METAP2: variants seen among roughly 807,000 people sequenced by gnomAD.
METAP2 encodes the protein methionyl aminopeptidase 2.
Under a neutral mutation model 59.4 loss-of-function variants are expected in METAP2, and 25 were observed. The ratio of observed to expected loss-of-function variants is 0.42; its 90% CI spans 0.31 to 0.59. The LOEUF is 0.59. Ranked by LOEUF, METAP2 falls within the 20% of genes least tolerant of loss-of-function variation. METAP2 has a pLI of 0.16. For missense variants in METAP2, 366 were observed against 581.2 expected (o/e 0.63, Z 3.81); for synonymous variants, 214 against 194.1 (o/e 1.10, Z -0.85).
At chr12:95,510,446 A>G (rs1223333439) in intron 8 of METAP2, among the ~76,000 whole-genome samples, 2 of 152,200 alleles carry the variant, frequency 1.3e-5, no homozygotes, top group Non-Finnish European at 2.9e-5. Flanking sequence ...CAGAAGGGCA[A>G]TGAGAAGTTT....
chr12:95,514,101 T>A lies in METAP2; in HGVS notation c.*197T>A. The A allele has an allele frequency of 1.8e-6, 1 of 564,616 alleles. No individual in the cohort carries two copies. The highest frequency in any genetic ancestry group is 2.9e-6 in the Non-Finnish European group (1 of 345,414). 35.0% of individuals were successfully genotyped at this position (564,616 alleles called of 1,614,324 possible). A position where few individuals can be genotyped will look rare whatever the true frequency, so the allele number is the denominator to read the frequency against. ...ACCAACGAAAAAGCTTTCCGGACTT[T>A]TAAATGCTAACTGTTTTTCCCCTTC... On this transcript the variant is annotated 3_prime_UTR_variant, in exon 11 of 11. Coordinates refer to ENST00000323666, the MANE Select transcript of METAP2 (RefSeq NM_006838.4).
intron 8 of METAP2, among the ~76,000 whole-genome samples, chr12:95,506,448 C>T (rs2076361205): frequency 6.6e-6 from 1 of 151,818 alleles, no homozygotes; most frequent in Admixed American, 6.6e-5. Context: ...AGGCATGCGC[C>T]ACTACACCCA....
At chr12:95,504,628 C>T (rs879937685) in intron 8 of METAP2, among the ~76,000 whole-genome samples, 15 of 152,006 alleles carry the variant, frequency 9.9e-5, no homozygotes, top group African/African-American at 1.5e-4. Flanking sequence ...TTAGCCCTCC[C>T]GGGTAGTTGG....
intron 7 of METAP2, among the ~76,000 whole-genome samples, chr12:95,502,026 A>G (rs1250355911): frequency 6.9e-6 from 1 of 145,932 alleles, no homozygotes; most frequent in African/African-American, 2.5e-5. Context: ...AAATTGAAAC[A>G]GGGTTTTGCT....
chr12:95,504,316 T>C (rs1421395830), intron 8 of METAP2, among the ~76,000 whole-genome samples, 155 bp downstream of exon 8: 2 of 152,202 alleles, frequency 1.3e-5, no homozygotes, highest in Admixed American at 1.3e-4. Context: ...AGTAGTGTTG[T>C]AACTAACTGG....
chr12:95,508,754 G>A (rs1244636725), intron 8 of METAP2, among the ~76,000 whole-genome samples: 2 of 152,088 alleles, frequency 1.3e-5, no homozygotes, highest in Non-Finnish European at 2.9e-5. Flanking sequence ...TTTAGTCACT[G>A]CATAATAATT....
chr12:95,514,908 T>C lies in METAP2; in HGVS notation c.*1004T>C, dbSNP rs1383795338. On this transcript the variant is annotated 3_prime_UTR_variant, in exon 11 of 11. Transcript: ENST00000323666. ...TTTGGATTCTTAACATTACTAGTGG[T>C]ATTTCAGGAAGTGACGTTACAGTTA... The C allele has an allele frequency of 6.6e-6, 1 of 152,444 alleles. No homozygotes were observed. The highest frequency in any genetic ancestry group is 2.4e-5 in the African/African-American group (1 of 41,458). 9.4% of individuals were successfully genotyped at this position (152,444 alleles called of 1,614,324 possible).
intron 9 of METAP2, 75 bp downstream of exon 9, chr12:95,512,073 T>C (rs991236828): frequency 1.4e-5 from 15 of 1,034,558 alleles, no homozygotes; most frequent in Non-Finnish European, 1.9e-5. Flanking sequence ...GGTAGTTAAA[T>C]ATATGGTTAT....
At chr12:95,506,390 G>A (rs933967670) in intron 8 of METAP2, among the ~76,000 whole-genome samples, 17 of 147,110 alleles carry the variant, frequency 1.2e-4, no homozygotes, top group African/African-American at 3.7e-4. Context: ...TCCGCTTCCC[G>A]GGTTCAAGCG....
intron 7 of METAP2, among the ~76,000 whole-genome samples, chr12:95,498,252 T>G (rs1005475367): frequency 4.6e-5 from 7 of 152,212 alleles, no homozygotes; most frequent in African/African-American, 1.7e-4. Flanking sequence ...ATTACAGGCA[T>G]GAGCCACCCT....
In METAP2 at chr12:95,494,095, A is replaced by G. The variant is rs1176809196; in HGVS notation, c.468A>G (p.Lys156=). The change falls in exon 5 of 11, where the codon AAA becomes AAG. Residue 156 remains lysine, a synonymous_variant. Coordinates refer to ENST00000323666, the MANE Select transcript of METAP2 (RefSeq NM_006838.4). ...AAWRTTSEEK[K]ALDQASEEIW... ...GGAGAACTACAAGTGAAGAAAAGAAAGCATTAGATCAGGCAAGTGAAGAGA... is the reference window on the plus strand; with the variant it reads ...GGAGAACTACAAGTGAAGAAAAGAAGGCATTAGATCAGGCAAGTGAAGAGA... 2 of 1,614,068 alleles carry G rather than the reference A, an allele frequency of 1.2e-6. No homozygotes were observed. Among genetic ancestry groups the G allele is most frequent in the Middle Eastern group, 1.7e-4 (1 of 6,050 alleles).
chr12:95,484,200 TG>T (rs1322844637), intron 3 of METAP2, among the ~76,000 whole-genome samples: 1 of 152,034 alleles, frequency 6.6e-6, no homozygotes, highest in Non-Finnish European at 1.5e-5. Flanking sequence ...ATCAGAATTT[TG>T]GGGGCTTGGT....
At chr12:95,475,073 A>G in intron 1 of METAP2, among the ~76,000 whole-genome samples, 1 of 152,202 alleles carries the variant, frequency 6.6e-6, no homozygotes, top group East Asian at 1.9e-4. Context: ...GGCAAGGAGA[A>G]CTGCTGAGAG....
intron 2 of METAP2, among the ~76,000 whole-genome samples, chr12:95,480,206 G>A (rs1381750352): frequency 1.3e-5 from 2 of 152,146 alleles, no homozygotes; most frequent in African/African-American, 4.8e-5. Flanking sequence ...GACAGTCATC[G>A]AGTTGTGCAT....
At chr12:95,482,429 A>C (rs1213676458) in intron 2 of METAP2, among the ~76,000 whole-genome samples, 1 of 152,062 alleles carries the variant, frequency 6.6e-6, no homozygotes, top group South Asian at 2.1e-4. Context: ...TTGTACTTCT[A>C]CTGTTCTCTT....
intron 4 of METAP2, 54 bp downstream of exon 4, chr12:95,486,035 A>G (rs971820616): frequency 2.2e-5 from 27 of 1,223,286 alleles, no homozygotes; most frequent in Middle Eastern, 3.8e-4. Context: ...TAGCTTAGCA[A>G]TAAAGCAGAT....
In METAP2 at chr12:95,512,827, C is replaced by A. The variant is rs3794261; in HGVS notation, c.1095C>A (p.Thr365=). Reference sequence around the variant, plus strand: ...AAGGAGAAGTATATGCAATTGAAACCTTTGGTAGTACAGGAAAAGGTGTTG... The same window carrying A: ...AAGGAGAAGTATATGCAATTGAAACATTTGGTAGTACAGGAAAAGGTGTTG... ...MEEGEVYAIE[T]FGSTGKGVVH... Residue 365 remains threonine (T), a synonymous_variant, in exon 10 of 11, where the codon ACC becomes ACA. Coordinates refer to ENST00000323666, the MANE Select transcript of METAP2 (RefSeq NM_006838.4). The A allele has an allele frequency of 0.087, 138,985 of 1,606,536 alleles. 6,544 individuals carry two copies. Among genetic ancestry groups the A allele is most frequent in the East Asian group, 0.19 (8,389 of 44,684 alleles).
chr12:95,484,711 C>CT (rs931038870), intron 3 of METAP2: 4,256 of 334,418 alleles, frequency 0.013, 1 homozygote, highest in South Asian at 0.017. Flanking sequence ...ATGAGGTACT[C>CT]TTTTTTTTTT....
In METAP2 at chr12:95,512,901, G is replaced by T. The variant is rs529826073; in HGVS notation, c.1169G>T (p.Gly390Val). The T allele has an allele frequency of 1.2e-6, 2 of 1,600,434 alleles. No homozygotes were observed. The highest frequency in any genetic ancestry group is 2.2e-5 in the East Asian group (1 of 44,786). ...CSHYMKNFDV[G>V]HVPIRLPRTK... ...CATTACATGAAAAATTTTGATGTTG[G>T]ACATGTGCCAATAAGGTGAGAGACG... The change falls in exon 10 of 11, where the codon GGA (glycine) becomes GTA (valine). Residue 390 changes from glycine (G) to valine (V), a missense_variant. Transcript: ENST00000323666.
Sources: allele counts gnomAD v4.1 joint callset (sites outside exome capture counted in the v4.1 genomes callset), GRCh38; gene constraint gnomAD v4.1.1; transcripts MANE v1.5; gene names NCBI Gene and HGNC (gene_info 2026-07-23, HGNC 2026-07-21).